The following MTMR1 variants were observed in gnomAD, a reference collection of about 807,000 sequenced individuals.
The protein encoded by MTMR1 is myotubularin related protein 1, also known as phosphatidylinositol-3-phosphate phosphatase MTMR1.
Under a neutral mutation model 51.6 loss-of-function variants are expected in MTMR1, and 17 were observed. The observed-to-expected ratio is 0.33, with a 90% CI of 0.23 to 0.49. The LOEUF is 0.49. Ranked by LOEUF, MTMR1 falls within the 20% of genes least tolerant of loss-of-function variation. MTMR1 has a pLI of 0.99. For synonymous variants in MTMR1, 201 were observed against 205.6 expected (o/e 0.98, Z 0.19); for missense variants, 386 against 526.9 (o/e 0.73, Z 2.62).
chrX:150,714,680 T>C (rs1557416345), intron 3 of MTMR1: 2 of 278,968 alleles, frequency 7.2e-6, no homozygotes. Context: ...AGATTCCATA[T>C]GACATTATTT....
chrX:150,751,007 A>G (rs1557417579), intron 14 of MTMR1, 164 bp downstream of exon 14: 1 of 1,150,160 alleles, frequency 8.7e-7, no homozygotes, highest in South Asian at 2.0e-5. Flanking sequence ...GCATGTGTCT[A>G]ACACAAGCCC....
chrX:150,698,620 C>G (rs113709156), intron 1 of MTMR1, among the ~76,000 whole-genome samples: 138 of 108,160 alleles, frequency 1.3e-3, no homozygotes, highest in African/African-American at 4.5e-3. Flanking sequence ...GTGGGTCACT[C>G]GAGCCCAGGA....
chrX:150,718,583 CCTTTTTTTTTTTTTTTTTTTTT>C lies in MTMR1; in HGVS notation c.277-41_277-20del, dbSNP rs879953543. On this transcript the variant is annotated intron_variant, in intron 3 of 15. Transcript: ENST00000445323. Reference sequence around the variant, plus strand: ...AGTGAGATTTACTCCCGTTTGGTGTCCTTTTTTTTTTTTTTTTTTTTTTTTTTTTTTTTTTTGCCAGGCTCTA... The same window carrying C: ...AGTGAGATTTACTCCCGTTTGGTGTCTTTTTTTTTTTTTTGCCAGGCTCTA... 202 of 352,032 alleles carry C rather than the reference CCTTTTTTTTTTTTTTTTTTTTT, an allele frequency of 5.7e-4. 1 individual carries two copies. Among genetic ancestry groups the C allele is most frequent in the African/African-American group, 2.8e-3 (51 of 18,064 alleles). 29.0% of individuals were successfully genotyped at this position (352,032 alleles called of 1,213,427 possible).
chrX:150,755,960 C>T, intron 15 of MTMR1, 95 bp downstream of exon 15: 1 of 737,249 alleles, frequency 1.4e-6, no homozygotes. Flanking sequence ...TAGATATTAA[C>T]ATACCATACT....
At chrX:150,707,227 A>G (rs782545998) in intron 2 of MTMR1, among the ~76,000 whole-genome samples, 1 of 112,285 alleles carries the variant, frequency 8.9e-6, no homozygotes, top group South Asian at 3.6e-4. Flanking sequence ...AGCACAATCC[A>G]TAAAAGGAAA....
At chrX:150,761,547 G>A (rs1430971159) in intron 15 of MTMR1, among the ~76,000 whole-genome samples, 4 of 112,916 alleles carry the variant, frequency 3.5e-5, no homozygotes, top group Non-Finnish European at 5.6e-5. Flanking sequence ...CCCCTCTCAG[G>A]GCAGGGGGAA....
At chrX:150,759,844 C>T (rs781901284) in intron 15 of MTMR1, among the ~76,000 whole-genome samples, 2 of 109,505 alleles carry the variant, frequency 1.8e-5, no homozygotes, top group Non-Finnish European at 1.9e-5. Context: ...CCAGCAATTC[C>T]ACGACGTAGA....
At chrX:150,758,964 G>GAA (rs2042991962) in intron 15 of MTMR1, among the ~76,000 whole-genome samples, 1 of 112,433 alleles carries the variant, frequency 8.9e-6, no homozygotes, top group African/African-American at 3.2e-5. Flanking sequence ...AGCTGTCTTT[G>GAA]AAATGGTCCA....
intron 4 of MTMR1, among the ~76,000 whole-genome samples, chrX:150,721,139 A>G (rs2041732108): frequency 8.9e-6 from 1 of 111,926 alleles, no homozygotes; most frequent in African/African-American, 3.2e-5. Flanking sequence ...CATTCCCAGG[A>G]TAAACTCAGC....
chrX:150,759,321 G>A (rs782224148), intron 15 of MTMR1, among the ~76,000 whole-genome samples: 18 of 112,191 alleles, frequency 1.6e-4, no homozygotes. Context: ...CAGGGAAGAT[G>A]GGCTACAGAG....
At chrX:150,730,664 C>G in intron 8 of MTMR1, 56 bp downstream of exon 8, 7 of 764,616 alleles carry the variant, frequency 9.2e-6, no homozygotes, top group Non-Finnish European at 1.3e-5. Flanking sequence ...TTTTTCTCTT[C>G]TAAAAGGTTA....
chrX:150,761,829 G>A (rs1370218241), intron 15 of MTMR1, among the ~76,000 whole-genome samples: 4 of 112,524 alleles, frequency 3.6e-5, no homozygotes, highest in Non-Finnish European at 7.5e-5. Flanking sequence ...GAGTGGGTTG[G>A]GTGCTATGAC....
Position 150,765,017 on chromosome X carries a change from T to C in MTMR1, c.*2288T>C, listed in dbSNP as rs886400502. The stretch of plus-strand genomic sequence containing the variant: ...AATAAAATAACATGGATTGAATGTT[T>C]ACTGTGCGTCAAGCACAGTTAATAT... On this transcript the variant is annotated 3_prime_UTR_variant, in exon 16 of 16. Coordinates refer to ENST00000445323, the MANE Select transcript of MTMR1 (RefSeq NM_001306144.3). 53 of 112,697 alleles carry C rather than the reference T, an allele frequency of 4.7e-4. No homozygotes were observed. The highest frequency in any genetic ancestry group is 1.7e-3 in the African/African-American group (53 of 31,015). The allele number at this position is 112,697 out of a possible 1,213,427, so 9.3% of individuals were successfully genotyped here. A position where few individuals can be genotyped will look rare whatever the true frequency, so the allele number is the denominator to read the frequency against.
intron 12 of MTMR1, 41 bp from the exon 13 acceptor site, chrX:150,744,320 A>G: frequency 9.1e-7 from 1 of 1,098,829 alleles, no homozygotes; most frequent in South Asian, 1.9e-5. Context: ...CAAGAGGACT[A>G]TAACATACGT....
In MTMR1 at chrX:150,724,769, T is replaced by C. The variant is rs145404045; in HGVS notation, c.353-2446T>C. 4.4e-3 allele frequency among the ~76,000 whole-genome samples: 492 copies of C among 112,288 alleles called. 2 individuals carry two copies. Among genetic ancestry groups the C allele is most frequent in the African/African-American group, 0.015 (467 of 30,886 alleles). ...ATCTTGAATTGATTTTTGTATATGG[T>C]GTAAGGAAGGGATCCAGTTTCAGTC... is the stretch of plus-strand genomic sequence containing the variant. On this transcript the variant is annotated intron_variant, in intron 4 of 15. Transcript: ENST00000445323.
chrX:150,726,990 CTTAAAACCTCA>C (rs1382177887), intron 4 of MTMR1: 1 of 261,610 alleles, frequency 3.8e-6, no homozygotes, highest in Non-Finnish European at 6.7e-6. Context: ...AGGCCCTTTA[CTTAAAACCTCA>C]TTAAGTAGCA....
In MTMR1 at chrX:150,755,781, C is replaced by T. The variant is rs1557417735; in HGVS notation, c.1773C>T (p.His591=). The part of the protein sequence containing the change: ...SNPFFVNYEN[H]VLYPVASLSH... ...CCTTCTTTGTGAATTATGAAAACCACGTGTTATATCCTGTTGCTAGTCTGA... is the reference window on the plus strand; with the variant it reads ...CCTTCTTTGTGAATTATGAAAACCATGTGTTATATCCTGTTGCTAGTCTGA... Residue 591 remains histidine (H), a synonymous_variant, in exon 15 of 16, where the codon CAC becomes CAT. Coordinates refer to ENST00000445323, the MANE Select transcript of MTMR1 (RefSeq NM_001306144.3). The T allele has an allele frequency of 3.3e-6, 4 of 1,201,788 alleles. No individual in the cohort carries two copies. Among genetic ancestry groups the T allele is most frequent in the East Asian group, 3.0e-5 (1 of 33,642 alleles).
Position 150,718,822 on chromosome X carries a change from G to A in MTMR1, c.352+122G>A, listed in dbSNP as rs370274905. ...GACCAACTTAATTAGGGGACAAATGGACTAGATCTATTCATCCTCATTAGT... is the reference window on the plus strand; with the variant it reads ...GACCAACTTAATTAGGGGACAAATGAACTAGATCTATTCATCCTCATTAGT... On this transcript the variant is annotated intron_variant, in intron 4 of 15. Transcript: ENST00000445323. 47 of 614,457 alleles carry A rather than the reference G, an allele frequency of 7.6e-5. No homozygotes were observed. In the East Asian group the frequency reaches 1.2e-3, roughly 15 times the overall value. The allele number at this position is 614,457 out of a possible 1,213,427, so 50.6% of individuals were successfully genotyped here. A position where few individuals can be genotyped will look rare whatever the true frequency, so the allele number is the denominator to read the frequency against.
intron 1 of MTMR1, among the ~76,000 whole-genome samples, chrX:150,698,841 G>A (rs1258040087): frequency 9.1e-6 from 1 of 109,818 alleles, no homozygotes; most frequent in Non-Finnish European, 1.9e-5. Flanking sequence ...CTGCACTCCA[G>A]CCTGGGTGAC....
Sources: gnomAD v4.1 joint callset for allele counts (sites outside exome capture counted in the v4.1 genomes callset) on GRCh38, gnomAD v4.1.1 for gene constraint, MANE v1.5 for transcripts, NCBI Gene and HGNC (gene_info 2026-07-23, HGNC 2026-07-21) for gene names.